The following PHF21B variants were observed in gnomAD, a reference collection of about 807,000 sequenced individuals.
PHF21B encodes the protein PHD finger protein 4.
In PHF21B, 22 loss-of-function variants were observed where a neutral mutation model predicts 62.2. The ratio of observed to expected loss-of-function variants is 0.35; its 90% CI spans 0.25 to 0.51. The LOEUF (loss-of-function observed/expected upper bound fraction) is 0.51. Ranked by LOEUF, PHF21B falls within the 20% of genes least tolerant of loss-of-function variation. The probability of loss-of-function intolerance (pLI) is 0.97; values close to 1 mark genes in which losing one functional copy is unlikely to be tolerated. For synonymous variants in PHF21B, 341 were observed against 314.7 expected (o/e 1.08, Z -0.88); for missense variants, 701 against 707.9 (o/e 0.99, Z 0.11).
chr22:44,906,868 C>T (rs780954616), intron 5 of PHF21B, among the ~76,000 whole-genome samples: 2 of 152,104 alleles, frequency 1.3e-5, no homozygotes, highest in Admixed American at 6.5e-5. Context: ...ATGGCCACCG[C>T]CCTGCAGTGG....
chr22:44,932,356 C>A (rs905487000), intron 2 of PHF21B, among the ~76,000 whole-genome samples: 3 of 152,162 alleles, frequency 2.0e-5, no homozygotes, highest in Non-Finnish European at 4.4e-5. Flanking sequence ...ACTGCTCACC[C>A]ACTATCAGAG....
At chr22:44,942,034 A>G (rs1295335508) in intron 2 of PHF21B, among the ~76,000 whole-genome samples, 2 of 152,184 alleles carry the variant, frequency 1.3e-5, no homozygotes, top group Non-Finnish European at 1.5e-5. Flanking sequence ...CCCGAGGCCC[A>G]GTGGGGGGAA....
chr22:44,884,356 C>CCAT (rs1419017777), intron 12 of PHF21B, among the ~76,000 whole-genome samples: 14 of 82,342 alleles, frequency 1.7e-4, no homozygotes, highest in Non-Finnish European at 2.7e-4. Context: ...ATCACCACCA[C>CCAT]GATCACCAAC....
chr22:44,916,590 G>A lies in PHF21B; in HGVS notation c.254C>T (p.Ala85Val). 6.2e-7 allele frequency: 1 copy of A among 1,604,504 alleles called. No individual in the cohort carries two copies. Among genetic ancestry groups the A allele is most frequent in the Non-Finnish European group, 8.5e-7 (1 of 1,179,920 alleles). The change falls in exon 4 of 13, where the codon GCC becomes GTC. Residue 85 changes from alanine (A) to valine (V), a missense_variant. Transcript: ENST00000313237. ...KTLIPDSLPV[A>V]PGRDRPPKQP... ...CTTGGGTGGCCGGTCCCGGCCCGGGGCAACGGGGAGGCTGTCTGGAATCAG... is the reference window on the plus strand; with the variant it reads ...CTTGGGTGGCCGGTCCCGGCCCGGGACAACGGGGAGGCTGTCTGGAATCAG...
rs147322646 is a variant in PHF21B, at chr22:44,997,946, C to T, written c.120+10599G>A. Among the ~76,000 whole-genome samples the T allele has an allele frequency of 2.0e-4, 30 of 151,892 alleles. 3 individuals carry two copies. The East Asian group carries it at 3.1e-3, about 16-fold the overall frequency. On this transcript the variant is annotated intron_variant, in intron 2 of 12. Transcript: ENST00000313237. ...TTCCTATTTTGGGGAATGACTCTTC[C>T]GTAACAAGCCCACAGCTGGCCCCTA...
At chr22:44,993,562 G>A (rs2073074614) in intron 2 of PHF21B, among the ~76,000 whole-genome samples, 2 of 152,380 alleles carry the variant, frequency 1.3e-5, no homozygotes, top group Middle Eastern at 3.4e-3. Flanking sequence ...ACACGGCAAC[G>A]TGCAGTTGAC....
chr22:44,882,955 C>T lies in PHF21B; in HGVS notation c.*131G>A. The T allele has an allele frequency of 8.7e-7, 1 of 1,144,896 alleles. No homozygotes were observed. The highest frequency in any genetic ancestry group is 1.2e-6 in the Non-Finnish European group (1 of 814,368). The allele number at this position is 1,144,896 out of a possible 1,614,324, so 70.9% of individuals were successfully genotyped here. ...AGGCCTCTCGCCCAGCTCTTCCTCC[C>T]TCCTCTCCTCTGTCTGGTTAATTTT... On this transcript the variant is annotated 3_prime_UTR_variant, in exon 13 of 13. Transcript: ENST00000313237.
chr22:45,006,384 C>A (rs1345951438), intron 2 of PHF21B, among the ~76,000 whole-genome samples: 1 of 152,218 alleles, frequency 6.6e-6, no homozygotes, highest in Non-Finnish European at 1.5e-5. Context: ...CACACTCACA[C>A]ACACAAAAAG....
At chr22:44,886,924 G>A (rs111816980) in intron 10 of PHF21B, among the ~76,000 whole-genome samples, 14 of 152,244 alleles carry the variant, frequency 9.2e-5, no homozygotes, top group African/African-American at 3.1e-4. Context: ...GGAGGTCAAG[G>A]CGGACAGATC....
intron 4 of PHF21B, among the ~76,000 whole-genome samples, chr22:44,915,703 CAGAGAG>C (rs925683361): frequency 6.6e-6 from 1 of 152,220 alleles, no homozygotes; most frequent in African/African-American, 2.4e-5. Flanking sequence ...AAATGGGGAA[CAGAGAG>C]AAAGAGGCCA....
rs538461296 is a variant in PHF21B, at chr22:44,965,715, A to G, written c.120+42830T>C. Among the ~76,000 whole-genome samples, 4 of 152,250 alleles carry G rather than the reference A, an allele frequency of 2.6e-5. No homozygotes were observed. In the South Asian group the frequency reaches 8.3e-4, roughly 32 times the overall value. ...CTGGTATCTGACCTGGGAACAGTGG[A>G]GCAGGACCACACTGCCCACTGGCTG... is the stretch of plus-strand genomic sequence containing the variant. On this transcript the variant is annotated intron_variant, in intron 2 of 12. Coordinates refer to ENST00000313237, the MANE Select transcript of PHF21B (RefSeq NM_138415.5).
At chr22:44,982,427 G>C (rs1246844066) in intron 2 of PHF21B, among the ~76,000 whole-genome samples, 1 of 152,210 alleles carries the variant, frequency 6.6e-6, no homozygotes, top group East Asian at 1.9e-4. Flanking sequence ...TTCCACAGAT[G>C]AGAAACCTGG....
chr22:44,909,447 A>C (rs904928691), intron 5 of PHF21B, among the ~76,000 whole-genome samples: 1 of 152,192 alleles, frequency 6.6e-6, no homozygotes, highest in Non-Finnish European at 1.5e-5. Flanking sequence ...TCTTGAGACG[A>C]TTAGGCCCAG....
chr22:44,965,975 C>T (rs1013221778), intron 2 of PHF21B, among the ~76,000 whole-genome samples: 1 of 152,236 alleles, frequency 6.6e-6, no homozygotes, highest in Non-Finnish European at 1.5e-5. Flanking sequence ...AAAGGCCCGG[C>T]TCCCACGGGC....
intron 10 of PHF21B, among the ~76,000 whole-genome samples, chr22:44,886,738 G>A (rs1039949737): frequency 3.2e-4 from 48 of 152,060 alleles, no homozygotes; most frequent in African/African-American, 1.1e-3. Flanking sequence ...CAATGCAGGG[G>A]CAGGTAGCCG....
chr22:44,946,411 G>A (rs1029165827), intron 2 of PHF21B, among the ~76,000 whole-genome samples: 1 of 152,166 alleles, frequency 6.6e-6, no homozygotes, highest in Non-Finnish European at 1.5e-5. Flanking sequence ...TAGGGAGTAG[G>A]TCATGTCTCG....
chr22:44,901,167 G>C (rs2071152404), intron 5 of PHF21B, among the ~76,000 whole-genome samples: 1 of 152,166 alleles, frequency 6.6e-6, no homozygotes, highest in Non-Finnish European at 1.5e-5. Context: ...GCAGCAGTCT[G>C]GTGCCACCTG....
chr22:44,994,091 G>C (rs1034067173), intron 2 of PHF21B, among the ~76,000 whole-genome samples: 2 of 152,220 alleles, frequency 1.3e-5, no homozygotes, highest in African/African-American at 4.8e-5. Flanking sequence ...TGAGCCAAAG[G>C]CACCTGCTGC....
rs993717691 is a variant in PHF21B at position 45,009,111 on chromosome 22, G to C, written c.54+385C>G. ...ATCGCCAAAACTACTTCTGCACACC[G>C]GGCAGGTTCGCCCGGGGCGCGGGGG... On this transcript the variant is annotated intron_variant, in intron 1 of 12. Transcript: ENST00000313237. This position sits in a 1 kb window ranked among gnomAD's most constrained non-coding sequence, Gnocchi z 5.9. 139 of 954,934 alleles carry C rather than the reference G, an allele frequency of 1.5e-4. No individual in the cohort carries two copies. Among genetic ancestry groups the C allele is most frequent in the Non-Finnish European group, 1.8e-4 (136 of 753,054 alleles). 59.2% of individuals were successfully genotyped at this position (954,934 alleles called of 1,614,324 possible).
Sources: gnomAD v4.1 joint callset for allele counts (sites outside exome capture counted in the v4.1 genomes callset) on GRCh38, gnomAD v4.1.1 for gene constraint, Gnocchi (gnomAD v3.1) non-coding constraint, MANE v1.5 for transcripts, NCBI Gene and HGNC (gene_info 2026-07-23, HGNC 2026-07-21) for gene names.